PPP3CA: variants seen among roughly 807,000 people sequenced by gnomAD.
PPP3CA encodes CAM-PRP catalytic subunit.
A neutral mutation model predicts 66.5 loss-of-function variants in PPP3CA; 14 were observed. The observed-to-expected ratio is 0.21, with a 90% CI of 0.14 to 0.33. The LOEUF (loss-of-function observed/expected upper bound fraction) is 0.33. PPP3CA is among the 10% of genes least tolerant of loss of function. The pLI, the probability that PPP3CA is intolerant of heterozygous loss-of-function variation, is 1.00. For missense variants in PPP3CA, 317 were observed against 639.5 expected, an observed-to-expected ratio of 0.50 and a Z score of 5.44; for synonymous variants, 232 against 226.2, an observed-to-expected ratio of 1.03 and a Z score of -0.23.
At chr4:101,157,523 A>G (rs1026620729) in intron 2 of PPP3CA, among the ~76,000 whole-genome samples, 7 of 152,320 alleles carry the variant, frequency 4.6e-5, no homozygotes, top group African/African-American at 1.7e-4. Context: ...CCTGGGAGAC[A>G]GGGAGGATGG....
intron 1 of PPP3CA, among the ~76,000 whole-genome samples, chr4:101,255,268 A>G (rs1304266186): frequency 2.0e-5 from 3 of 152,030 alleles, no homozygotes; most frequent in Non-Finnish European, 4.4e-5. Flanking sequence ...CCTATCCACT[A>G]AAACATCTCT....
chr4:101,064,935 C>A (rs761030051), intron 8 of PPP3CA, among the ~76,000 whole-genome samples: 1 of 151,906 alleles, frequency 6.6e-6, no homozygotes, highest in Non-Finnish European at 1.5e-5. Context: ...AATGGTAAGG[C>A]CTTTGCTTTG....
At chr4:101,275,795 C>T (rs1297835818) in intron 1 of PPP3CA, among the ~76,000 whole-genome samples, 1 of 150,320 alleles carries the variant, frequency 6.7e-6, no homozygotes, top group Admixed American at 6.6e-5. Context: ...GTCACTTTTA[C>T]ATCTTTTTTG....
intron 2 of PPP3CA, among the ~76,000 whole-genome samples, chr4:101,169,682 G>A (rs942760886): frequency 2.6e-5 from 4 of 151,990 alleles, no homozygotes; most frequent in Non-Finnish European, 5.9e-5. Context: ...CTGATTATAA[G>A]CTGCTAAAAG....
intron 1 of PPP3CA, among the ~76,000 whole-genome samples, chr4:101,291,335 G>A (rs1728017126): frequency 6.6e-6 from 1 of 152,160 alleles, no homozygotes; most frequent in Non-Finnish European, 1.5e-5. Context: ...CCTATGACTT[G>A]CAACCTAAGG....
At chr4:101,342,177 G>C (rs886878304) in intron 1 of PPP3CA, among the ~76,000 whole-genome samples, 1 of 152,114 alleles carries the variant, frequency 6.6e-6, no homozygotes, top group Non-Finnish European at 1.5e-5. Flanking sequence ...TCATTAATTA[G>C]ATTCTAGATG....
intron 1 of PPP3CA, among the ~76,000 whole-genome samples, chr4:101,216,830 C>T (rs895700127): frequency 6.6e-6 from 1 of 152,086 alleles, no homozygotes; most frequent in African/African-American, 2.4e-5. Flanking sequence ...AGATTACAGG[C>T]GTGAGCCACC....
At chr4:101,096,674 C>A (rs771263048) in intron 5 of PPP3CA, among the ~76,000 whole-genome samples, 1 of 152,134 alleles carries the variant, frequency 6.6e-6, no homozygotes, top group Non-Finnish European at 1.5e-5. Flanking sequence ...AAATGCATGT[C>A]TTTCATGCCC....
intron 1 of PPP3CA, among the ~76,000 whole-genome samples, chr4:101,238,470 T>A (rs1446368026): frequency 6.6e-6 from 1 of 151,922 alleles, no homozygotes; most frequent in African/African-American, 2.4e-5. Flanking sequence ...TAACATTATC[T>A]TCATCATACA....
chr4:101,138,928 C>G (rs150119589), intron 2 of PPP3CA, among the ~76,000 whole-genome samples: 1 of 152,002 alleles, frequency 6.6e-6, no homozygotes, highest in Non-Finnish European at 1.5e-5. Context: ...TAAATAATGT[C>G]AAAATATTAT....
chr4:101,113,689 C>T (rs1721750415), intron 2 of PPP3CA, among the ~76,000 whole-genome samples: 1 of 152,090 alleles, frequency 6.6e-6, no homozygotes, highest in South Asian at 2.1e-4. Context: ...AAGTGGTCAA[C>T]ATACTAAAGT....
At chr4:101,159,483 C>T (rs1211797285) in intron 2 of PPP3CA, among the ~76,000 whole-genome samples, 3 of 152,194 alleles carry the variant, frequency 2.0e-5, no homozygotes, top group Non-Finnish European at 4.4e-5. Context: ...TAACCCAACA[C>T]TTCCACCCAA....
intron 10 of PPP3CA, among the ~76,000 whole-genome samples, chr4:101,048,635 G>T (rs1423992984): frequency 6.7e-6 from 1 of 149,698 alleles, no homozygotes; most frequent in Non-Finnish European, 1.5e-5. Flanking sequence ...TCTTTTTGAA[G>T]ATTACAAACT....
At chr4:101,069,423 T>C (rs2110231077) in intron 8 of PPP3CA, among the ~76,000 whole-genome samples, 1 of 152,320 alleles carries the variant, frequency 6.6e-6, no homozygotes, top group South Asian at 2.1e-4. Flanking sequence ...ATATACTTTA[T>C]ATAACTTGTA....
At chr4:101,168,417 G>A (rs1228368496) in intron 2 of PPP3CA, among the ~76,000 whole-genome samples, 5 of 152,060 alleles carry the variant, frequency 3.3e-5, no homozygotes, top group African/African-American at 7.2e-5. Flanking sequence ...GGAAAGGACC[G>A]GGCTAAAGAT....
chr4:101,294,351 C>T (rs542084135), intron 1 of PPP3CA, among the ~76,000 whole-genome samples: 21 of 152,318 alleles, frequency 1.4e-4, no homozygotes, highest in Middle Eastern at 3.4e-3. Flanking sequence ...CTCATCAACA[C>T]ATCAACCCAA....
chr4:101,195,203 G>A (rs530104343), intron 2 of PPP3CA, among the ~76,000 whole-genome samples: 1 of 150,182 alleles, frequency 6.7e-6, no homozygotes, highest in African/African-American at 2.5e-5. Flanking sequence ...AGGAGGTGGA[G>A]GATGCAGTGA....
chr4:101,299,381 G>GT (rs1230207956), intron 1 of PPP3CA, among the ~76,000 whole-genome samples: 3 of 144,244 alleles, frequency 2.1e-5, no homozygotes, highest in Non-Finnish European at 3.1e-5. Flanking sequence ...TTTTTTGTTT[G>GT]TTTTTTGGGT....
rs1313190046 is a variant in PPP3CA at position 101,080,604 on chromosome 4, G to C, written c.883C>G (p.Gln295Glu). ...ATTAGAGAAGGGAAGCCTGTTGTTT[G>C]GCTTTTCCTGTACATGCGGTACCTA... ...DAGYRMYRKS[Q>E]TTGFPSLITI... The change falls in exon 8 of 14, where the codon CAA becomes GAA. Residue 295 changes from glutamine (Q) to glutamate (E), a missense_variant. Physicochemically the swap from Gln to Glu is conservative, Grantham distance 29. Transcript: ENST00000394854. 6.5e-7 allele frequency: 1 copy of C among 1,531,398 alleles called. No homozygotes were observed. The highest frequency in any genetic ancestry group is 8.9e-7 in the Non-Finnish European group (1 of 1,127,196). The allele number at this position is 1,531,398 out of a possible 1,614,324, so 94.9% of individuals were successfully genotyped here. A position where few individuals can be genotyped will look rare whatever the true frequency, so the allele number is the denominator to read the frequency against.
Sources: allele counts gnomAD v4.1 joint callset (sites outside exome capture counted in the v4.1 genomes callset), GRCh38; gene constraint gnomAD v4.1.1; transcripts MANE v1.5; gene names NCBI Gene and HGNC (gene_info 2026-07-23, HGNC 2026-07-21).